Variants in RSU1 observed in about 807,000 individuals in gnomAD.
RSU1 encodes rsu-1.
A neutral mutation model predicts 31.1 loss-of-function variants in RSU1; 26 were observed. The ratio of observed to expected loss-of-function variants is 0.84; its 90% CI spans 0.61 to 1.16. The LOEUF is 1.16. Ranked by LOEUF, RSU1 falls within the 50% of genes most tolerant of loss-of-function variation. The probability of loss-of-function intolerance (pLI) is 0.00; values close to 1 mark genes in which losing one functional copy is unlikely to be tolerated. For synonymous variants in RSU1, 164 were observed against 136.3 expected (o/e 1.20, Z -1.41); for missense variants, 320 against 339.1 (o/e 0.94, Z 0.44).
chr10:16,746,261 A>C (rs746615781), intron 7 of RSU1, among the ~76,000 whole-genome samples: 15 of 152,210 alleles, frequency 9.9e-5, no homozygotes, highest in Non-Finnish European at 1.8e-4. Flanking sequence ...ATTGCAGGGC[A>C]CTAAGCTGGC....
rs1833529299 is a variant in RSU1 at position 16,592,704 on chromosome 10, T to TAGGAAGC, written c.*689_*690insGCTTCCT. The TAGGAAGC allele has an allele frequency of 6.6e-6, 1 of 151,824 alleles. No homozygotes were observed. The highest frequency in any genetic ancestry group is 2.1e-4 in the South Asian group (1 of 4,826). 9.4% of individuals were successfully genotyped at this position (151,824 alleles called of 1,614,324 possible). On this transcript the variant is annotated 3_prime_UTR_variant, in exon 9 of 9. Coordinates refer to ENST00000345264, the MANE Select transcript of RSU1 (RefSeq NM_012425.4). The stretch of plus-strand genomic sequence containing the variant: ...AGATTTGTTTTTCTGCTTCCTAATT[T>TAGGAAGC]AGAAAGTCTTCAAAGAAAAAAAAAA...
chr10:16,599,345 C>T (rs537210918), intron 8 of RSU1, among the ~76,000 whole-genome samples: 10 of 152,320 alleles, frequency 6.6e-5, no homozygotes, highest in Non-Finnish European at 1.0e-4. Flanking sequence ...ACCTGGGAAA[C>T]GCCAACCATC....
intron 7 of RSU1, among the ~76,000 whole-genome samples, chr10:16,710,267 A>G (rs560968398): frequency 2.1e-4 from 32 of 152,204 alleles, no homozygotes; most frequent in African/African-American, 7.2e-4. Flanking sequence ...AAATGATCAT[A>G]TTGTTTTTGT....
At chr10:16,667,206 A>G (rs138184792) in intron 8 of RSU1, among the ~76,000 whole-genome samples, 173 of 152,314 alleles carry the variant, frequency 1.1e-3, no homozygotes, top group African/African-American at 3.9e-3. Flanking sequence ...CTGGGAAGCA[A>G]TATATTTTCT....
At chr10:16,661,665 T>A (rs1481274159) in intron 8 of RSU1, among the ~76,000 whole-genome samples, 1 of 152,186 alleles carries the variant, frequency 6.6e-6, no homozygotes, top group Non-Finnish European at 1.5e-5. Context: ...TAGGCTAATT[T>A]TTTCAGCTCT....
intron 4 of RSU1, among the ~76,000 whole-genome samples, chr10:16,760,725 A>G (rs1390913407): frequency 6.6e-6 from 1 of 152,020 alleles, no homozygotes; most frequent in Non-Finnish European, 1.5e-5. Context: ...TACCGCCTGT[A>G]TATTTTTCAT....
intron 2 of RSU1, among the ~76,000 whole-genome samples, chr10:16,796,166 T>G (rs1281401158): frequency 6.6e-6 from 1 of 152,164 alleles, no homozygotes; most frequent in Non-Finnish European, 1.5e-5. Context: ...AAAACATGAT[T>G]TGGTCTCGTA....
chr10:16,607,530 G>C (rs1196932631), intron 8 of RSU1, among the ~76,000 whole-genome samples: 1 of 152,150 alleles, frequency 6.6e-6, no homozygotes, highest in African/African-American at 2.4e-5. Flanking sequence ...GAAAAAGGAG[G>C]TGTGTGGATC....
intron 2 of RSU1, among the ~76,000 whole-genome samples, chr10:16,783,634 G>A (rs935827227): frequency 2.9e-4 from 44 of 151,500 alleles, no homozygotes; most frequent in African/African-American, 1.0e-3. Flanking sequence ...GATTACAGGC[G>A]TGGGCCACCG....
chr10:16,676,975 T>C (rs1432329367), intron 8 of RSU1, among the ~76,000 whole-genome samples: 1 of 152,172 alleles, frequency 6.6e-6, no homozygotes, highest in African/African-American at 2.4e-5. Flanking sequence ...GGAATACTGT[T>C]AGGGACCCTT....
intron 7 of RSU1, among the ~76,000 whole-genome samples, chr10:16,706,927 T>C (rs1469694106): frequency 6.6e-6 from 1 of 152,156 alleles, no homozygotes; most frequent in Non-Finnish European, 1.5e-5. Flanking sequence ...TTCTACTTCC[T>C]GTTTCAAGGA....
At chr10:16,699,156 G>A (rs577541494) in intron 7 of RSU1, among the ~76,000 whole-genome samples, 3 of 152,226 alleles carry the variant, frequency 2.0e-5, no homozygotes, top group African/African-American at 4.8e-5. Flanking sequence ...AATGGAAACC[G>A]CGCGAGCGAA....
In RSU1 at chr10:16,695,166, G is replaced by GA. The variant is rs72451149; in HGVS notation, c.599-12_599-11insT. ...TTAAATCCAAGTTTCCTGGGGGGGGGGAAAAAAAAAGTGAAGGTCACTTCA... is the reference window on the plus strand; with the variant it reads ...TTAAATCCAAGTTTCCTGGGGGGGGGAGAAAAAAAAAGTGAAGGTCACTTCA... On this transcript the variant is annotated splice_polypyrimidine_tract_variant and intron_variant, in intron 7 of 8. Transcript: ENST00000345264. 8.6e-3 allele frequency: 11,786 copies of GA among 1,362,586 alleles called. 45 individuals carry two copies. The highest frequency in any genetic ancestry group is 0.02 in the African/African-American group (1,211 of 61,314). The allele number at this position is 1,362,586 out of a possible 1,614,324, so 84.4% of individuals were successfully genotyped here.
chr10:16,807,624 T>C (rs549205043), intron 2 of RSU1, among the ~76,000 whole-genome samples: 2 of 152,370 alleles, frequency 1.3e-5, no homozygotes, highest in East Asian at 3.9e-4. Context: ...TTGCTTCTTA[T>C]GTTTTCTTCA....
At chr10:16,682,088 C>A (rs962057885) in intron 8 of RSU1, among the ~76,000 whole-genome samples, 1 of 152,102 alleles carries the variant, frequency 6.6e-6, no homozygotes, top group Non-Finnish European at 1.5e-5. Context: ...CCCACCAATC[C>A]ATAGATCTCC....
chr10:16,756,530 A>T (rs1837089768), intron 4 of RSU1, among the ~76,000 whole-genome samples: 1 of 152,224 alleles, frequency 6.6e-6, no homozygotes. Context: ...ACTTCCACTT[A>T]AAGCACAGTA....
chr10:16,668,300 G>C (rs954457235), intron 8 of RSU1, among the ~76,000 whole-genome samples: 1 of 152,146 alleles, frequency 6.6e-6, no homozygotes, highest in African/African-American at 2.4e-5. Context: ...ACTCCCAAAG[G>C]AAAGTGATAA....
At chr10:16,730,547 G>C (rs866486005) in intron 7 of RSU1, among the ~76,000 whole-genome samples, 1 of 152,136 alleles carries the variant, frequency 6.6e-6, no homozygotes, top group Non-Finnish European at 1.5e-5. Context: ...ATTCAGGAGA[G>C]AGCCCAGTAA....
At chr10:16,749,339 C>T (rs751472985) in intron 7 of RSU1, among the ~76,000 whole-genome samples, 4 of 152,174 alleles carry the variant, frequency 2.6e-5, no homozygotes, top group African/African-American at 7.2e-5. Context: ...AATCAGAACT[C>T]GCCTGGATTC....
Sources: gnomAD v4.1 joint callset for allele counts (sites outside exome capture counted in the v4.1 genomes callset) on GRCh38, gnomAD v4.1.1 for gene constraint, MANE v1.5 for transcripts, NCBI Gene and HGNC (gene_info 2026-07-23, HGNC 2026-07-21) for gene names.